Variants in ZNF444 observed in about 807,000 individuals in gnomAD.
The protein encoded by ZNF444 is endothelial zinc finger protein 2.
ZNF444 carries 8 observed loss-of-function variants against 14.4 expected under a neutral mutation model. The ratio of observed to expected loss-of-function variants is 0.56; its 90% CI spans 0.33 to 1.00. The LOEUF is 1.00. ZNF444 is among the 50% of genes least tolerant of loss of function. The probability of loss-of-function intolerance (pLI) is 0.03; values close to 1 mark genes in which losing one functional copy is unlikely to be tolerated. For synonymous variants in ZNF444, 258 were observed against 235.9 expected, an observed-to-expected ratio of 1.09 and a Z score of -0.86; for missense variants, 510 against 504.8, an observed-to-expected ratio of 1.01 and a Z score of -0.10.
chr19:56,148,010 G>A (rs1341276447), intron 3 of ZNF444, among the ~76,000 whole-genome samples: 1 of 152,038 alleles, frequency 6.6e-6, no homozygotes, highest in Non-Finnish European at 1.5e-5. Flanking sequence ...GCCTGGCCCC[G>A]TCAGGGAAGT....
intron 4 of ZNF444, among the ~76,000 whole-genome samples, chr19:56,159,026 A>T (rs925866765): frequency 6.7e-5 from 10 of 149,952 alleles, no homozygotes; most frequent in Non-Finnish European, 1.3e-4. Flanking sequence ...CCATGCACCC[A>T]CCCATCCATC....
Position 56,145,229 on chromosome 19 carries a change from T to C in ZNF444, c.-196-1018T>C, listed in dbSNP as rs1052713808. 6.6e-6 allele frequency among the ~76,000 whole-genome samples: 1 copy of C among 152,248 alleles called. No individual in the cohort carries two copies. On this transcript the variant is annotated intron_variant, in intron 1 of 4. Coordinates refer to ENST00000337080, the MANE Select transcript of ZNF444 (RefSeq NM_018337.4). The surrounding 1 kb of genome is among the most constrained non-coding windows in gnomAD (Gnocchi z 4.3). Reference sequence around the variant, plus strand: ...CTTTTATTGATGGGAGTCATATCTATTGTTACGTATCATAGTAGAAACCAA... The same window carrying C: ...CTTTTATTGATGGGAGTCATATCTACTGTTACGTATCATAGTAGAAACCAA...
At chr19:56,159,594 C>T in intron 4 of ZNF444, 30 bp from the exon 5 acceptor site, 1 of 1,421,352 alleles carries the variant, frequency 7.0e-7, no homozygotes, top group Non-Finnish European at 9.2e-7. Flanking sequence ...CTCGTGCCGA[C>T]CCAGATGCTG....
rs1356391124 is a variant in ZNF444 at position 56,147,134 on chromosome 19, G to C, written c.223G>C (p.Asp75His). ...LEQFLSALPA[D>H]TQAWVCSRQP... ...ACAGTTCCTGAGCGCGCTGCCCGCC[G>C]ACACGCAGGCCTGGGTGTGCAGCCG... Residue 75 changes from aspartate (D) to histidine (H), a missense_variant, in exon 3 of 5, where the codon GAC becomes CAC. Coordinates refer to ENST00000337080, the MANE Select transcript of ZNF444 (RefSeq NM_018337.4). This position sits in a 1 kb window ranked among gnomAD's most constrained non-coding sequence, Gnocchi z 5.9. The C allele has an allele frequency of 1.3e-6, 2 of 1,551,842 alleles. No homozygotes were observed. The highest frequency in any genetic ancestry group is 1.9e-5 in the Admixed American group (1 of 51,760).
At chr19:56,137,129 G>T (rs922281199), upstream of ZNF444, among the ~76,000 whole-genome samples, 10 of 151,874 alleles carry the variant, frequency 6.6e-5, no homozygotes, top group African/African-American at 2.4e-4. Context: ...TGTGCAGCTG[G>T]TCTGGGGACT....
chr19:56,159,413 G>C (rs1024177932), intron 4 of ZNF444, among the ~76,000 whole-genome samples: 8 of 152,018 alleles, frequency 5.3e-5, no homozygotes, highest in African/African-American at 2.4e-5. Context: ...CATCCAGCCA[G>C]CCATCATCTA....
rs991244397 is a variant in ZNF444, at chr19:56,144,232, C to T, written c.-196-2015C>T. 6.6e-6 allele frequency among the ~76,000 whole-genome samples: 1 copy of T among 151,956 alleles called. No homozygotes were observed. The highest frequency in any genetic ancestry group is 1.5e-5 in the Non-Finnish European group (1 of 67,998). On this transcript the variant is annotated intron_variant, in intron 1 of 4. Coordinates refer to ENST00000337080, the MANE Select transcript of ZNF444 (RefSeq NM_018337.4). The surrounding 1 kb of genome is among the most constrained non-coding windows in gnomAD (Gnocchi z 4.0). ...GCTGAGCCAGGAGGATGGTTTGAGCCCAGGAGGTCGGGGCTGCAATGAGCC... is the reference window on the plus strand; with the variant it reads ...GCTGAGCCAGGAGGATGGTTTGAGCTCAGGAGGTCGGGGCTGCAATGAGCC...
intron 4 of ZNF444, 48 bp downstream of exon 4, chr19:56,158,650 G>A: frequency 6.7e-7 from 1 of 1,502,890 alleles, no homozygotes; most frequent in Admixed American, 2.0e-5. Context: ...CCAGCACCGG[G>A]GAGGGGGTTC....
At chr19:56,137,449 G>A (rs777452303), upstream of ZNF444, among the ~76,000 whole-genome samples, 6 of 151,742 alleles carry the variant, frequency 4.0e-5, no homozygotes, top group Non-Finnish European at 5.9e-5. Flanking sequence ...CAGCCTGGGT[G>A]ACAGAGCGAG....
At chr19:56,132,877 G>A (rs1252482259) in intron 1 of ZNF444, 1 of 151,934 alleles carries the variant, frequency 6.6e-6, no homozygotes, top group Non-Finnish European at 1.5e-5. Context: ...TGCTGCCGGA[G>A]CTGGGTGGAC....
At chr19:56,150,549 C>T (rs1042299386) in intron 3 of ZNF444, 3 of 407,742 alleles carry the variant, frequency 7.4e-6, no homozygotes, top group African/African-American at 4.1e-5. Flanking sequence ...GGGAATAACA[C>T]TGCCGTGAGT....
chr19:56,159,031 TCCATCATCTGTACATTCATCCAC>T (rs1230129702), intron 4 of ZNF444, among the ~76,000 whole-genome samples: 1 of 148,146 alleles, frequency 6.8e-6, no homozygotes, highest in African/African-American at 2.6e-5. Context: ...CACCCACCCA[TCCATCATCTGTACATTCATCCAC>T]CCATCATCCG....
In ZNF444 at chr19:56,145,675, G is replaced by A. The variant is rs915235731; in HGVS notation, c.-196-572G>A. Among the ~76,000 whole-genome samples the A allele has an allele frequency of 2.0e-5, 3 of 152,108 alleles. No homozygotes were observed. The highest frequency in any genetic ancestry group is 7.2e-5 in the African/African-American group (3 of 41,420). ...TGGGAGGACACAAAAGGAGGCCGTCGGCAGCCTGGAAGAGGTGCTCACCAG... is the reference window on the plus strand; with the variant it reads ...TGGGAGGACACAAAAGGAGGCCGTCAGCAGCCTGGAAGAGGTGCTCACCAG... On this transcript the variant is annotated intron_variant, in intron 1 of 4. Transcript: ENST00000337080. The surrounding 1 kb of genome is among the most constrained non-coding windows in gnomAD (Gnocchi z 4.3).
intron 3 of ZNF444, among the ~76,000 whole-genome samples, chr19:56,148,512 G>A (rs1482703276): frequency 1.3e-5 from 2 of 152,154 alleles, no homozygotes; most frequent in African/African-American, 2.4e-5. Context: ...CCTTCCAGAG[G>A]GAGCAGCTCC....
upstream of ZNF444, chr19:56,141,054 T>TGG (rs2030762693): frequency 6.6e-6 from 1 of 152,234 alleles, no homozygotes; most frequent in South Asian, 2.1e-4. Context: ...TCGCGTATCT[T>TGG]GGGAAATGTA....
chr19:56,141,555 G>A (rs1428233280), intron 1 of ZNF444, among the ~76,000 whole-genome samples, 198 bp downstream of exon 1: 1 of 100,036 alleles, frequency 1.0e-5, no homozygotes, highest in African/African-American at 4.0e-5. Context: ...TTGGAGAGGG[G>A]GAGGGGTGGA....
intron 3 of ZNF444, chr19:56,156,801 C>G (rs147755898): frequency 1.3e-5 from 2 of 152,524 alleles, no homozygotes; most frequent in Admixed American, 6.5e-5. Flanking sequence ...ATGCTCCCCC[C>G]TTCTGTGTGC....
chr19:56,155,946 C>T (rs1454450885), intron 3 of ZNF444: 1 of 152,206 alleles, frequency 6.6e-6, no homozygotes, highest in African/African-American at 2.4e-5. Context: ...ACTGACCCCC[C>T]ATTTCTGATG....
At chr19:56,141,941 T>G (rs1395259499) in intron 1 of ZNF444, 1 of 152,176 alleles carries the variant, frequency 6.6e-6, no homozygotes, top group South Asian at 2.1e-4. Flanking sequence ...TCTGTTTTGC[T>G]GCTTTCTCAG....
Sources: gnomAD v4.1 joint callset for allele counts (sites outside exome capture counted in the v4.1 genomes callset) on GRCh38, gnomAD v4.1.1 for gene constraint, Gnocchi (gnomAD v3.1) non-coding constraint, MANE v1.5 for transcripts, NCBI Gene and HGNC (gene_info 2026-07-23, HGNC 2026-07-21) for gene names.